Variants in KLHL15 observed in about 807,000 individuals in gnomAD.
KLHL15 encodes kelch-like protein 15.
Under a neutral mutation model 29.3 loss-of-function variants are expected in KLHL15, and 1 was observed. The observed-to-expected ratio is 0.03, with a 90% CI of 0.01 to 0.16. The LOEUF (loss-of-function observed/expected upper bound fraction) is 0.16. KLHL15 is among the 10% of genes least tolerant of loss of function. The pLI is 1.00. For missense variants in KLHL15, 215 were observed against 478.5 expected (o/e 0.45, Z 5.14); for synonymous variants, 212 against 184.5 (o/e 1.15, Z -1.21).
chrX:24,005,647 C>T (rs926788074), intron 3 of KLHL15, among the ~76,000 whole-genome samples: 17 of 111,648 alleles, frequency 1.5e-4, no homozygotes, highest in Non-Finnish European at 3.2e-4. Context: ...GACTCGGTTC[C>T]GATTTAATTG....
rs768799405 is a variant in KLHL15 at position 23,991,523 on chromosome X, A to AAAAC, written c.706-2497_706-2494dup. ...AACAACAGCGAAACTCTTATCTCCA[A>AAAAC]AAACAAACAAACAAACAAACAAACA... On this transcript the variant is annotated intron_variant, in intron 3 of 3. Coordinates refer to ENST00000328046, the MANE Select transcript of KLHL15 (RefSeq NM_030624.3). Among the ~76,000 whole-genome samples, 934 of 109,785 alleles carry AAAAC rather than the reference A, an allele frequency of 8.5e-3. 3 individuals are homozygous for AAAAC. The highest frequency in any genetic ancestry group is 0.023 in the African/African-American group (706 of 30,089).
At chrX:23,990,311 A>G (rs1929056227) in intron 3 of KLHL15, among the ~76,000 whole-genome samples, 1 of 111,407 alleles carries the variant, frequency 9.0e-6, no homozygotes, top group African/African-American at 3.3e-5. Context: ...GGTGACAATT[A>G]GGTATGAAGC....
intron 3 of KLHL15, among the ~76,000 whole-genome samples, chrX:24,001,748 G>C (rs1275458730): frequency 2.2e-5 from 2 of 89,043 alleles, no homozygotes; most frequent in African/African-American, 8.6e-5. Context: ...AGGTTGCAGT[G>C]AGCCAAGATC....
intron 3 of KLHL15, among the ~76,000 whole-genome samples, chrX:24,005,518 C>A (rs143619514): frequency 9.0e-6 from 1 of 111,545 alleles, no homozygotes; most frequent in Non-Finnish European, 1.9e-5. Context: ...CTATTTTGTA[C>A]GTCCTTGCTA....
intron 2 of KLHL15, among the ~76,000 whole-genome samples, chrX:24,008,102 A>G (rs1929491888): frequency 1.8e-5 from 2 of 112,215 alleles, no homozygotes; most frequent in African/African-American, 6.5e-5. Flanking sequence ...TTGAAAAACA[A>G]TAATGATGTA....
intron 2 of KLHL15, among the ~76,000 whole-genome samples, chrX:24,014,013 A>C (rs892144233): frequency 6.4e-5 from 7 of 109,785 alleles, no homozygotes; most frequent in African/African-American, 2.3e-4. Context: ...TGTGCCTGTA[A>C]TCCAAGCAAC....
At chrX:23,993,565 TTG>T (rs956128249) in intron 3 of KLHL15, among the ~76,000 whole-genome samples, 1 of 110,700 alleles carries the variant, frequency 9.0e-6, no homozygotes. Context: ...GCAGCAATAA[TTG>T]TGTGTTAATG....
chrX:24,022,924 G>C (rs1458700647), intron 2 of KLHL15, among the ~76,000 whole-genome samples: 1 of 109,688 alleles, frequency 9.1e-6, no homozygotes, highest in Admixed American at 9.8e-5. Flanking sequence ...AGTAGAGACG[G>C]GGTTTCTCCA....
chrX:24,025,403 C>A (rs967850894), intron 1 of KLHL15, among the ~76,000 whole-genome samples: 3 of 105,722 alleles, frequency 2.8e-5, no homozygotes, highest in Non-Finnish European at 5.9e-5. Flanking sequence ...CGCTCCGGGC[C>A]GCGCGCCCCC....
intron 2 of KLHL15, among the ~76,000 whole-genome samples, chrX:24,021,850 G>C (rs950364420): frequency 9.1e-6 from 1 of 109,805 alleles, no homozygotes; most frequent in Non-Finnish European, 1.9e-5. Context: ...CACCACATGA[G>C]CTATAGCACT....
intron 3 of KLHL15, among the ~76,000 whole-genome samples, chrX:23,991,309 C>T (rs1047402913): frequency 5.0e-5 from 5 of 100,851 alleles, no homozygotes; most frequent in Non-Finnish European, 9.9e-5. Flanking sequence ...GCTGAGATTG[C>T]GCCATTGCAC....
rs1305513976 is a variant in KLHL15, at chrX:23,985,246, A to C, written c.*2675T>G. 2.1e-4 allele frequency: 24 copies of C among 111,902 alleles called. No homozygotes were observed. In the Admixed American group the frequency reaches 2.2e-3, roughly 10 times the overall value. 9.2% of individuals were successfully genotyped at this position (111,902 alleles called of 1,213,427 possible). A position where few individuals can be genotyped will look rare whatever the true frequency, so the allele number is the denominator to read the frequency against. ...GTTAAACTGTATAGATTCAAATCTTACTGAATTTTTCAAAAAACTACTTTT... is the reference window on the plus strand; with the variant it reads ...GTTAAACTGTATAGATTCAAATCTTCCTGAATTTTTCAAAAAACTACTTTT... On this transcript the variant is annotated 3_prime_UTR_variant, in exon 4 of 4. Transcript: ENST00000328046.
chrX:23,988,941 C>T lies in KLHL15; in HGVS notation c.795G>A (p.Gln265=). 2 of 1,211,707 alleles carry T rather than the reference C, an allele frequency of 1.7e-6. No individual in the cohort carries two copies. The highest frequency in any genetic ancestry group is 2.2e-6 in the Non-Finnish European group (2 of 895,445). Residue 265 remains glutamine, a synonymous_variant, in exon 4 of 4, where the codon CAG becomes CAA. Transcript: ENST00000328046. Reference sequence around the variant, plus strand: ...GGCTTGACTTCATATCCAACAAAGGCTGCTGGTGAACATTCTGAAAGTAAT... The same window carrying T: ...GGCTTGACTTCATATCCAACAAAGGTTGCTGGTGAACATTCTGAAAGTAAT... ...ALNYFQNVHQ[Q]PLLDMKSSRI...
In KLHL15 at chrX:23,984,013, A is replaced by G. The variant is rs774527570; in HGVS notation, c.*3908T>C. 1.3e-4 allele frequency: 14 copies of G among 111,916 alleles called. No individual in the cohort carries two copies. Among genetic ancestry groups the G allele is most frequent in the Non-Finnish European group, 2.4e-4 (13 of 53,183 alleles). 9.2% of individuals were successfully genotyped at this position (111,916 alleles called of 1,213,427 possible). Reference sequence around the variant, plus strand: ...AAAGTATGCCCAAGAGGTATAGGGCATATACAAGTTAGGTAGAAAATAACC... The same window carrying G: ...AAAGTATGCCCAAGAGGTATAGGGCGTATACAAGTTAGGTAGAAAATAACC... On this transcript the variant is annotated 3_prime_UTR_variant, in exon 4 of 4. Coordinates refer to ENST00000328046, the MANE Select transcript of KLHL15 (RefSeq NM_030624.3).
chrX:23,989,827 T>C (rs1338640423), intron 3 of KLHL15, among the ~76,000 whole-genome samples: 1 of 110,276 alleles, frequency 9.1e-6, no homozygotes, highest in Admixed American at 9.7e-5. Context: ...TTATTATTAC[T>C]ATATATTTTT....
In KLHL15 at chrX:23,985,831, G is replaced by A; in HGVS notation, c.*2090C>T. 8.9e-6 allele frequency: 1 copy of A among 111,739 alleles called. No individual in the cohort carries two copies. The allele number at this position is 111,739 out of a possible 1,213,427, so 9.2% of individuals were successfully genotyped here. A position where few individuals can be genotyped will look rare whatever the true frequency, so the allele number is the denominator to read the frequency against. ...CATCAATGAGGAAAATAATGAAGAC[G>A]TTATTTTCTTTAAAGCAAAATAGCA... On this transcript the variant is annotated 3_prime_UTR_variant, in exon 4 of 4. Coordinates refer to ENST00000328046, the MANE Select transcript of KLHL15 (RefSeq NM_030624.3).
chrX:24,026,870 T>C (rs1293556411), intron 1 of KLHL15, among the ~76,000 whole-genome samples: 5 of 112,307 alleles, frequency 4.5e-5, no homozygotes, highest in Non-Finnish European at 9.4e-5. Context: ...CTTTCCATCT[T>C]TTCCAATAGC....
intron 3 of KLHL15, among the ~76,000 whole-genome samples, chrX:23,993,938 C>T (rs1423195044): frequency 3.8e-5 from 4 of 106,380 alleles, no homozygotes; most frequent in East Asian, 5.9e-4. Flanking sequence ...CCCAGCTACT[C>T]GGGAGGATGA....
chrX:24,025,037 T>C lies in KLHL15; in HGVS notation c.-188A>G, dbSNP rs947283022. 1.3e-5 allele frequency: 4 copies of C among 296,747 alleles called. No individual in the cohort carries two copies. In the Admixed American group the frequency reaches 1.8e-4, roughly 13 times the overall value. The allele number at this position is 296,747 out of a possible 1,213,427, so 24.5% of individuals were successfully genotyped here. On this transcript the variant is annotated 5_prime_UTR_variant, in exon 2 of 4. Transcript: ENST00000328046. The stretch of plus-strand genomic sequence containing the variant: ...CCGGCGGGGCACGAGAGTGCTCGCC[T>C]GCAGCCCCCTCTGGATAAGTCCTGG...
Sources: allele counts gnomAD v4.1 joint callset (sites outside exome capture counted in the v4.1 genomes callset), GRCh38; gene constraint gnomAD v4.1.1; transcripts MANE v1.5; gene names NCBI Gene and HGNC (gene_info 2026-07-23, HGNC 2026-07-21).